Variants in MYO3B observed in about 807,000 individuals in gnomAD.
MYO3B encodes the protein myosin-IIIb.
Under a neutral mutation model 174.6 loss-of-function variants are expected in MYO3B, and 156 were observed. The ratio of observed to expected loss-of-function variants is 0.89; its 90% CI spans 0.78 to 1.02. MYO3B has a LOEUF of 1.02. MYO3B is among the 50% of genes least tolerant of loss of function. MYO3B has a pLI of 0.00. For synonymous variants in MYO3B, 563 were observed against 569.1 expected, an observed-to-expected ratio of 0.99 and a Z score of 0.15; for missense variants, 1,632 against 1,639.4, an observed-to-expected ratio of 1.00 and a Z score of 0.08.
At chr2:170,329,577 A>G (rs1453241127) in intron 7 of MYO3B, among the ~76,000 whole-genome samples, 1 of 131,932 alleles carries the variant, frequency 7.6e-6, no homozygotes, top group Non-Finnish European at 1.6e-5. Flanking sequence ...TTTTTTTAGT[A>G]TGGATGGGGT....
intron 9 of MYO3B, among the ~76,000 whole-genome samples, chr2:170,378,065 TAACTC>T (rs1267217901): frequency 2.3e-5 from 2 of 86,534 alleles, no homozygotes; most frequent in African/African-American, 6.2e-5. Context: ...ACAAATCACT[TAACTC>T]AATAAAATTA....
At chr2:170,246,028 C>A (rs2093185170) in intron 7 of MYO3B, among the ~76,000 whole-genome samples, 1 of 152,264 alleles carries the variant, frequency 6.6e-6, no homozygotes, top group Admixed American at 6.5e-5. Context: ...CATTTATATA[C>A]AAATACAATT....
chr2:170,201,508 G>A (rs1268563740), intron 3 of MYO3B, among the ~76,000 whole-genome samples: 6 of 152,188 alleles, frequency 3.9e-5, no homozygotes, highest in African/African-American at 1.4e-4. Flanking sequence ...TGGCTGCCAT[G>A]GCAACCATGT....
intron 1 of MYO3B, among the ~76,000 whole-genome samples, chr2:170,191,454 C>G (rs76282335): frequency 6.6e-6 from 1 of 152,032 alleles, no homozygotes; most frequent in African/African-American, 2.4e-5. Context: ...TTCTTTAGAA[C>G]CCCAGAGCAA....
intron 22 of MYO3B, among the ~76,000 whole-genome samples, chr2:170,428,455 G>C (rs1173643215): frequency 6.6e-6 from 1 of 152,178 alleles, no homozygotes; most frequent in East Asian, 1.9e-4. Flanking sequence ...GAGCTGGATG[G>C]AAGCCTAACA....
chr2:170,469,795 A>C (rs1684859347), intron 25 of MYO3B, among the ~76,000 whole-genome samples: 1 of 152,206 alleles, frequency 6.6e-6, no homozygotes, highest in African/African-American at 2.4e-5. Flanking sequence ...GTATGATAAA[A>C]GTCATCTTTT....
intron 6 of MYO3B, among the ~76,000 whole-genome samples, chr2:170,220,558 G>A (rs1429786905): frequency 1.3e-5 from 2 of 149,982 alleles, no homozygotes; most frequent in African/African-American, 4.9e-5. Context: ...GAACCCGGGA[G>A]GCAGAGCTTG....
At chr2:170,647,100 T>C (rs898294108) in intron 32 of MYO3B, among the ~76,000 whole-genome samples, 2 of 152,208 alleles carry the variant, frequency 1.3e-5, no homozygotes, top group African/African-American at 4.8e-5. Flanking sequence ...TTTCTAAAGT[T>C]TTTTGGAGAA....
intron 32 of MYO3B, 117 bp downstream of exon 32, chr2:170,544,105 A>T: frequency 1.5e-6 from 1 of 679,262 alleles, no homozygotes; most frequent in Non-Finnish European, 2.5e-6. Flanking sequence ...TGTTGGCAAA[A>T]AGTTTTGGGA....
chr2:170,611,819 T>C (rs1485105737), intron 32 of MYO3B, among the ~76,000 whole-genome samples: 1 of 152,186 alleles, frequency 6.6e-6, no homozygotes, highest in Non-Finnish European at 1.5e-5. Context: ...GTTTATGGCT[T>C]TATTTTGCTT....
At chr2:170,592,400 T>C (rs2883784) in intron 32 of MYO3B, among the ~76,000 whole-genome samples, 55,430 of 151,734 alleles carry the variant, frequency 0.37, 12,340 homozygotes, top group African/African-American at 0.62. Flanking sequence ...GAAAGAGAAA[T>C]AAAGATTTGC....
chr2:170,444,148 C>A, intron 23 of MYO3B, 102 bp downstream of exon 23: 2 of 964,724 alleles, frequency 2.1e-6, no homozygotes, highest in Non-Finnish European at 3.2e-6. Context: ...TAGCAGCCCT[C>A]TGCCTGGGCA....
At chr2:170,615,780 T>C (rs1695426939) in intron 32 of MYO3B, among the ~76,000 whole-genome samples, 1 of 152,178 alleles carries the variant, frequency 6.6e-6, no homozygotes, top group Non-Finnish European at 1.5e-5. Context: ...TCCAGGGGGT[T>C]CACTGCCTTC....
At chr2:170,616,531 G>C (rs1168027972) in intron 32 of MYO3B, among the ~76,000 whole-genome samples, 3 of 152,146 alleles carry the variant, frequency 2.0e-5, no homozygotes, top group Non-Finnish European at 2.9e-5. Context: ...TTATTCCATA[G>C]CAACAGTTTC....
chr2:170,330,895 A>G (rs957349078), intron 7 of MYO3B, among the ~76,000 whole-genome samples: 6 of 152,186 alleles, frequency 3.9e-5, no homozygotes, highest in African/African-American at 1.4e-4. Context: ...ATTTTATGCT[A>G]CTTTGAAGAC....
chr2:170,587,167 GATA>G (rs1693539560), intron 32 of MYO3B, among the ~76,000 whole-genome samples: 1 of 152,254 alleles, frequency 6.6e-6, no homozygotes, highest in East Asian at 1.9e-4. Context: ...CATAATTTTA[GATA>G]ATGATAATAC....
At chr2:170,471,861 CA>C (rs1684995455) in intron 25 of MYO3B, among the ~76,000 whole-genome samples, 1 of 151,976 alleles carries the variant, frequency 6.6e-6, no homozygotes, top group African/African-American at 2.4e-5. Context: ...CATGGTGGCA[CA>C]TGCCTGTAAT....
chr2:170,235,167 ATGGGTCATCCT>A (rs2093056688), intron 6 of MYO3B, among the ~76,000 whole-genome samples: 1 of 152,212 alleles, frequency 6.6e-6, no homozygotes, highest in Non-Finnish European at 1.5e-5. Flanking sequence ...GGCCATGGCC[ATGGGTCATCCT>A]GGTGGCAGAT....
intron 23 of MYO3B, among the ~76,000 whole-genome samples, chr2:170,455,003 G>T (rs571751875): frequency 6.6e-6 from 1 of 152,252 alleles, no homozygotes; most frequent in Admixed American, 6.5e-5. Flanking sequence ...GAGCTGGGTG[G>T]TGCTAGCTGT....
Sources: allele counts gnomAD v4.1 joint callset (sites outside exome capture counted in the v4.1 genomes callset), GRCh38; gene constraint gnomAD v4.1.1; transcripts MANE v1.5; gene names NCBI Gene and HGNC (gene_info 2026-07-23, HGNC 2026-07-21).